PPDPFL: variants seen among roughly 807,000 people sequenced by gnomAD.
The protein encoded by PPDPFL is pancreatic progenitor cell differentiation and proliferation factor-like protein.
PPDPFL carries 12 observed loss-of-function variants against 12.6 expected under a neutral mutation model. That is an observed-to-expected ratio of 0.95 (90% CI 0.61 to 1.54). The LOEUF (loss-of-function observed/expected upper bound fraction) is 1.54, where lower values mean the gene tolerates loss of function less well. Among genes scored for constraint, PPDPFL ranks in the 40% most tolerant of loss-of-function variants. PPDPFL has a pLI of 0.00. For synonymous variants in PPDPFL, 24 were observed against 32.7 expected (o/e 0.73, Z 0.91); for missense variants, 114 against 96.0 (o/e 1.19, Z -0.78).
rs548079868 is a variant in PPDPFL at position 49,063,731 on chromosome 8, T to C, written c.-44-9056T>C. ...AGACCCTGAAAAAAAAAAGTATATA[T>C]AAAAAATGCATGAGTGGTGGCTGCC... is the stretch of plus-strand genomic sequence containing the variant. On this transcript the variant is annotated intron_variant, in intron 1 of 4. Coordinates refer to the PPDPFL transcript ENST00000517663. 7.3e-5 allele frequency among the ~76,000 whole-genome samples: 11 copies of C among 151,700 alleles called. No individual in the cohort carries two copies. In the East Asian group the frequency reaches 2.1e-3, roughly 29 times the overall value.
chr8:49,060,574 A>C (rs1253042458), intron 1 of PPDPFL, among the ~76,000 whole-genome samples: 1 of 152,168 alleles, frequency 6.6e-6, no homozygotes, highest in Non-Finnish European at 1.5e-5. Flanking sequence ...CGGCCTCCCA[A>C]AGTGCTGGGA....
intron 1 of PPDPFL, among the ~76,000 whole-genome samples, chr8:49,058,087 C>CA (rs1295613076): frequency 6.6e-6 from 1 of 152,138 alleles, no homozygotes; most frequent in African/African-American, 2.4e-5. Context: ...TATTAGCCCT[C>CA]ATCAACAAAT....
At chr8:49,055,390 C>G (rs1808097574) in intron 1 of PPDPFL, among the ~76,000 whole-genome samples, 1 of 152,124 alleles carries the variant, frequency 6.6e-6, no homozygotes, top group Non-Finnish European at 1.5e-5. Context: ...ATTTCTGCTA[C>G]TGCACTACCT....
At chr8:49,063,896 G>A (rs1443285364) in intron 1 of PPDPFL, among the ~76,000 whole-genome samples, 1 of 152,096 alleles carries the variant, frequency 6.6e-6, no homozygotes, top group Non-Finnish European at 1.5e-5. Flanking sequence ...TCCCAGTAGT[G>A]TCACATAGGA....
At position 49,074,021 on chromosome 8, in the gene PPDPFL, C is replaced by G. The variant is rs1166547810; in HGVS notation, c.56-38C>G. ...GATGCGGATTTGCTTGTCTGGTTGC[C>G]AGTTATTTATTTGTTTAATATCATT... On this transcript the variant is annotated intron_variant, in intron 2 of 4. Transcript: ENST00000522267. 4 of 1,386,398 alleles carry G rather than the reference C, an allele frequency of 2.9e-6. No homozygotes were observed. In the South Asian group the frequency reaches 4.8e-5, roughly 17 times the overall value. The allele number at this position is 1,386,398 out of a possible 1,614,324, so 85.9% of individuals were successfully genotyped here.
chr8:49,057,390 C>T (rs1226577656), intron 1 of PPDPFL, among the ~76,000 whole-genome samples: 1 of 152,082 alleles, frequency 6.6e-6, no homozygotes, highest in Non-Finnish European at 1.5e-5. Context: ...TTAAAACAAA[C>T]TATTTCAGTA....
At chr8:49,075,060 G>T in intron 4 of PPDPFL, 92 bp from the exon 5 acceptor site, 1 of 1,528,072 alleles carries the variant, frequency 6.5e-7, no homozygotes, top group South Asian at 1.2e-5. Context: ...ATGTTTTCTT[G>T]ACACTCTTTA....
intron 1 of PPDPFL, among the ~76,000 whole-genome samples, chr8:49,054,635 A>G (rs529531932): frequency 6.6e-6 from 1 of 151,990 alleles, no homozygotes; most frequent in Non-Finnish European, 1.5e-5. Flanking sequence ...GGTGAACTAT[A>G]TGTGTCTGAG....
intron 1 of PPDPFL, among the ~76,000 whole-genome samples, chr8:49,064,968 C>G (rs1390745981): frequency 6.6e-6 from 1 of 152,088 alleles, no homozygotes; most frequent in African/African-American, 2.4e-5. Flanking sequence ...TGTTCATGTT[C>G]CCAATCTGTT....
chr8:49,074,215 C>A lies in PPDPFL; in HGVS notation c.134-19C>A, dbSNP rs773002703. 6.2e-7 allele frequency: 1 copy of A among 1,610,582 alleles called. No individual in the cohort carries two copies. The highest frequency in any genetic ancestry group is 1.3e-5 in the African/African-American group (1 of 74,932). On this transcript the variant is annotated intron_variant, in intron 3 of 4. Coordinates refer to ENST00000522267, the MANE Select transcript of PPDPFL (RefSeq NM_001256597.2). The stretch of plus-strand genomic sequence containing the variant: ...CTCAAATTTGTTTGATAAGGAGTAA[C>A]ATGAATTTTATTTAATAGGGTTGCC...
intron 4 of PPDPFL, 51 bp downstream of exon 4, chr8:49,074,384 T>C (rs1437825242): frequency 3.1e-6 from 5 of 1,592,646 alleles, no homozygotes; most frequent in Non-Finnish European, 4.3e-6. Context: ...GTGAATGAAA[T>C]AATGCATATG....
At chr8:49,069,779 A>G (rs761628635), upstream of PPDPFL, among the ~76,000 whole-genome samples, 1 of 152,186 alleles carries the variant, frequency 6.6e-6, no homozygotes. Context: ...TGCTAAAAAT[A>G]CAAAAATTAG....
upstream of PPDPFL, among the ~76,000 whole-genome samples, chr8:49,070,624 C>T (rs888398430): frequency 6.6e-6 from 1 of 151,782 alleles, no homozygotes; most frequent in Non-Finnish European, 1.5e-5. Context: ...AAAGGTGTAG[C>T]AAAACTAATT....
chr8:49,059,018 C>A (rs937348197), intron 1 of PPDPFL, among the ~76,000 whole-genome samples: 2 of 152,192 alleles, frequency 1.3e-5, no homozygotes, highest in Non-Finnish European at 2.9e-5. Flanking sequence ...GTTGACTGAA[C>A]AGCCTCTATT....
intron 4 of PPDPFL, chr8:49,074,772 G>T (rs1380999890): frequency 1.4e-6 from 2 of 1,434,708 alleles, no homozygotes; most frequent in Admixed American, 5.9e-5. Flanking sequence ...GGGAGTTTGT[G>T]TGCAGTTGTT....
chr8:49,062,372 A>G (rs1267487709), intron 1 of PPDPFL, among the ~76,000 whole-genome samples: 1 of 152,226 alleles, frequency 6.6e-6, no homozygotes, highest in Non-Finnish European at 1.5e-5. Flanking sequence ...AAATTCCTGA[A>G]TTACTACAGA....
At chr8:49,074,740 A>C (rs1808461121) in intron 4 of PPDPFL, 1 of 1,448,446 alleles carries the variant, frequency 6.9e-7, no homozygotes, top group Non-Finnish European at 9.0e-7. Flanking sequence ...TGTGTGGTGC[A>C]AATTACTAGA....
At position 49,075,389 on chromosome 8, in the gene PPDPFL, A is replaced by T; in HGVS notation, c.*216A>T. 1.0e-6 allele frequency: 1 copy of T among 973,608 alleles called. No individual in the cohort carries two copies. The highest frequency in any genetic ancestry group is 1.6e-6 in the Non-Finnish European group (1 of 616,322). 60.3% of individuals were successfully genotyped at this position (973,608 alleles called of 1,614,324 possible). ...GATCTCATTTATGAGACAAGATCACAGCAGCCACTGATATAAAAAAAGTTT... is the reference window on the plus strand; with the variant it reads ...GATCTCATTTATGAGACAAGATCACTGCAGCCACTGATATAAAAAAAGTTT... On this transcript the variant is annotated 3_prime_UTR_variant, in exon 5 of 5. Coordinates refer to ENST00000522267, the MANE Select transcript of PPDPFL (RefSeq NM_001256597.2).
At chr8:49,059,716 G>A (rs1304347651) in intron 1 of PPDPFL, among the ~76,000 whole-genome samples, 1 of 152,100 alleles carries the variant, frequency 6.6e-6, no homozygotes, top group Non-Finnish European at 1.5e-5. Flanking sequence ...AATATTAATT[G>A]CTTGTGTCTT....
Sources: gnomAD v4.1 joint callset for allele counts (sites outside exome capture counted in the v4.1 genomes callset) on GRCh38, gnomAD v4.1.1 for gene constraint, MANE v1.5 for transcripts, NCBI Gene and HGNC (gene_info 2026-07-23, HGNC 2026-07-21) for gene names.